NRG1: variants seen among roughly 807,000 people sequenced by gnomAD.
NRG1 encodes neuregulin 1.
In NRG1, 18 loss-of-function variants were observed where a neutral mutation model predicts 63.8. That is an observed-to-expected ratio of 0.28 (90% CI 0.19 to 0.42). The LOEUF (loss-of-function observed/expected upper bound fraction) is 0.42. NRG1 is among the 10% of genes least tolerant of loss of function. The probability of loss-of-function intolerance (pLI) is 1.00; values close to 1 mark genes in which losing one functional copy is unlikely to be tolerated. For synonymous variants in NRG1, 302 were observed against 301.3 expected, an observed-to-expected ratio of 1.00 and a Z score of -0.02; for missense variants, 762 against 814.7, an observed-to-expected ratio of 0.94 and a Z score of 0.79.
At chr8:32,573,738 G>T (rs1839083787) in intron 1 of NRG1, among the ~76,000 whole-genome samples, 1 of 151,872 alleles carries the variant, frequency 6.6e-6, no homozygotes, top group Non-Finnish European at 1.5e-5. Flanking sequence ...TGCCGTGTTG[G>T]TGTGCTGCAC....
intron 1 of NRG1, among the ~76,000 whole-genome samples, chr8:31,677,682 G>T (rs971990690): frequency 6.6e-6 from 1 of 152,060 alleles, no homozygotes. Context: ...TCAGACTCGC[G>T]GCAGCCAGTC....
At chr8:32,662,633 T>C (rs890635689) in intron 5 of NRG1, among the ~76,000 whole-genome samples, 2 of 152,116 alleles carry the variant, frequency 1.3e-5, no homozygotes, top group African/African-American at 4.8e-5. Flanking sequence ...GATGTGTTTG[T>C]AGGAGTTGTA....
upstream of NRG1, among the ~76,000 whole-genome samples, chr8:32,545,372 A>G (rs1344088643): frequency 1.3e-5 from 2 of 152,086 alleles, no homozygotes; most frequent in African/African-American, 2.4e-5. Flanking sequence ...TTTACCTGGG[A>G]GCTGATATAC....
intron 1 of NRG1, among the ~76,000 whole-genome samples, chr8:32,393,103 AAACAAC>A (rs760529224): frequency 6.6e-6 from 1 of 152,078 alleles, no homozygotes; most frequent in Admixed American, 6.6e-5. Flanking sequence ...TTGCCTTTAA[AAACAAC>A]AACAACAACA....
chr8:32,286,721 G>A (rs948114152), intron 1 of NRG1, among the ~76,000 whole-genome samples: 29 of 152,088 alleles, frequency 1.9e-4, no homozygotes, highest in African/African-American at 6.3e-4. Context: ...TTTCCTGGCC[G>A]GGCACGGTGG....
intron 5 of NRG1, among the ~76,000 whole-genome samples, chr8:32,726,579 T>A (rs1262720849): frequency 2.6e-5 from 4 of 151,998 alleles, no homozygotes; most frequent in African/African-American, 7.2e-5. Flanking sequence ...TTAGACAGGA[T>A]AATAAGAGGT....
intron 1 of NRG1, among the ~76,000 whole-genome samples, chr8:31,705,662 G>A (rs2131217698): frequency 6.6e-6 from 1 of 152,216 alleles, no homozygotes; most frequent in South Asian, 2.1e-4. Context: ...TCTCTGTTCT[G>A]CATTCCTATT....
At chr8:32,180,870 A>G (rs1400774676) in intron 1 of NRG1, among the ~76,000 whole-genome samples, 6 of 152,012 alleles carry the variant, frequency 3.9e-5, no homozygotes, top group Non-Finnish European at 8.8e-5. Context: ...CCCCAATTGA[A>G]GTTGTGTGCC....
chr8:32,729,440 C>T lies in NRG1; in HGVS notation c.632+1362C>T, dbSNP rs150728167. 4.0e-3 allele frequency among the ~76,000 whole-genome samples: 602 copies of T among 152,268 alleles called. 3 individuals carry two copies. The highest frequency in any genetic ancestry group is 0.013 in the African/African-American group (539 of 41,556). On this transcript the variant is annotated intron_variant, in intron 6 of 11. Transcript: ENST00000356819. ...AATAAATTTTGCCAGCAGTCCCCAG[C>T]GAAAACATGCAGTGGGGACATTATT...
chr8:32,674,235 T>C (rs78278113), intron 5 of NRG1, among the ~76,000 whole-genome samples: 35,287 of 152,102 alleles, frequency 0.23, 4,701 homozygotes, highest in East Asian at 0.33. Flanking sequence ...TTTTATTTTA[T>C]GAAACAAAAT....
At chr8:32,718,106 A>G (rs951483242) in intron 5 of NRG1, among the ~76,000 whole-genome samples, 1 of 152,342 alleles carries the variant, frequency 6.6e-6, no homozygotes, top group Admixed American at 6.5e-5. Context: ...AGATTAGGAA[A>G]GCACAGTGAC....
intron 1 of NRG1, among the ~76,000 whole-genome samples, chr8:32,180,695 T>A (rs1359467075): frequency 2.0e-5 from 3 of 152,182 alleles, no homozygotes; most frequent in Non-Finnish European, 2.9e-5. Flanking sequence ...ATGTATACAT[T>A]GTGGCATGGC....
chr8:32,549,053 C>T (rs1379043229), intron 1 of NRG1, among the ~76,000 whole-genome samples: 1 of 152,216 alleles, frequency 6.6e-6, no homozygotes, highest in African/African-American at 2.4e-5. Flanking sequence ...GGGCAAGGGA[C>T]AGCAGTCCCG....
At chr8:32,392,017 G>T (rs1227918828) in intron 1 of NRG1, among the ~76,000 whole-genome samples, 3 of 152,194 alleles carry the variant, frequency 2.0e-5, no homozygotes, top group Admixed American at 2.0e-4. Flanking sequence ...AAGGAAAAGA[G>T]CAGTTGGGCA....
intron 1 of NRG1, among the ~76,000 whole-genome samples, chr8:32,249,137 AG>A (rs530142105): frequency 5.8e-4 from 88 of 152,192 alleles, no homozygotes; most frequent in Non-Finnish European, 1.1e-3. Context: ...ATCCTGAGGT[AG>A]GGAAATATTT....
At chr8:31,664,114 A>G (rs558171995) in intron 1 of NRG1, among the ~76,000 whole-genome samples, 16 of 152,236 alleles carry the variant, frequency 1.1e-4, no homozygotes, top group Non-Finnish European at 2.2e-4. Context: ...TTGTCTGTCT[A>G]GTACCAAACT....
At position 32,528,404 on chromosome 8, in the gene NRG1, T is replaced by G. The variant is rs113596338; in HGVS notation, c.38-67424T>G. ...TATGTGCACCAGTTGTTGGACAGGA[T>G]TGAACTTGCGAGGTCAGCTTTCTCA... On this transcript the variant is annotated intron_variant, in intron 1 of 10. Transcript: ENST00000519301. Among the ~76,000 whole-genome samples the G allele has an allele frequency of 1.2e-3, 185 of 152,316 alleles. 2 individuals are homozygous for G. The highest frequency in any genetic ancestry group is 3.1e-3 in the Admixed American group (48 of 15,306).
chr8:32,146,014 G>A (rs1836831837), intron 1 of NRG1, among the ~76,000 whole-genome samples: 1 of 152,158 alleles, frequency 6.6e-6, no homozygotes, highest in African/African-American at 2.4e-5. Context: ...GGGGCAGCTA[G>A]AGTCTAATAA....
intron 1 of NRG1, among the ~76,000 whole-genome samples, chr8:31,936,506 G>A (rs940663828): frequency 4.6e-5 from 7 of 152,094 alleles, no homozygotes; most frequent in Admixed American, 4.6e-4. Flanking sequence ...CTTGTTTAGG[G>A]AGAACAAAAC....
Sources: gnomAD v4.1 joint callset for allele counts (sites outside exome capture counted in the v4.1 genomes callset) on GRCh38, gnomAD v4.1.1 for gene constraint, MANE v1.5 for transcripts, NCBI Gene and HGNC (gene_info 2026-07-23, HGNC 2026-07-21) for gene names.